RFX7: variants seen among roughly 807,000 people sequenced by gnomAD.
The protein encoded by RFX7 is regulatory factor X7, also known as DNA-binding protein RFX7.
In RFX7, 26 loss-of-function variants were observed where a neutral mutation model predicts 111.8. The ratio of observed to expected loss-of-function variants is 0.23; its 90% CI spans 0.17 to 0.32. RFX7 has a LOEUF of 0.32. Ranked by LOEUF, RFX7 falls within the 10% of genes least tolerant of loss-of-function variation. The pLI is 1.00. For synonymous variants in RFX7, 624 were observed against 624.4 expected (o/e 1.00, Z 0.01); for missense variants, 1,573 against 1,772.9 (o/e 0.89, Z 2.02).
At chr15:56,147,456 T>C (rs1567026958) in intron 3 of RFX7, among the ~76,000 whole-genome samples, 1 of 152,204 alleles carries the variant, frequency 6.6e-6, no homozygotes, top group Admixed American at 6.5e-5. Context: ...GAGTTTCCTT[T>C]TGGGGTGAGG....
intron 2 of RFX7, among the ~76,000 whole-genome samples, chr15:56,199,322 G>A (rs752569704): frequency 6.6e-6 from 1 of 151,912 alleles, no homozygotes; most frequent in African/African-American, 2.4e-5. Flanking sequence ...TTCCTTTTTT[G>A]CTGTCCTTCC....
At chr15:56,133,457 G>T (rs1169395040) in intron 5 of RFX7, among the ~76,000 whole-genome samples, 1 of 151,938 alleles carries the variant, frequency 6.6e-6, no homozygotes, top group African/African-American at 2.4e-5. Context: ...TACACAACAG[G>T]AATAACTTAA....
At chr15:56,142,726 A>T in intron 5 of RFX7, 52 bp downstream of exon 5, 1 of 1,516,096 alleles carries the variant, frequency 6.6e-7, no homozygotes, top group Non-Finnish European at 9.0e-7. Flanking sequence ...GGCCAAGTAT[A>T]GTATTTTACC....
chr15:56,094,038 G>A lies in RFX7; in HGVS notation c.3690C>T (p.Val1230=). 4 of 1,613,948 alleles carry A rather than the reference G, an allele frequency of 2.5e-6. No homozygotes were observed. The South Asian group carries it at 4.4e-5, about 18-fold the overall frequency. The change falls in exon 10 of 10, where the codon GTC becomes GTT. Residue 1230 remains valine, a synonymous_variant. Transcript: ENST00000559447. ...AQRSQSVPLT[V]MMQTAFPNAL... The stretch of plus-strand genomic sequence containing the variant: ...CGTTTGGGAAGGCTGTCTGCATCAT[G>A]ACTGTCAATGGAACTGATTGGCTTC...
chr15:56,230,794 G>A lies in RFX7; in HGVS notation c.161+12331C>T, dbSNP rs74602793. 3.0e-3 allele frequency among the ~76,000 whole-genome samples: 454 copies of A among 152,302 alleles called. 2 individuals are homozygous for A. Among genetic ancestry groups the A allele is most frequent in the African/African-American group, 0.011 (437 of 41,574 alleles). ...GTACTTGAGCTATGGCTTCAACAAT[G>A]ATTAAGATGTAATTAAATGGCTGGG... On this transcript the variant is annotated intron_variant, in intron 2 of 9. Transcript: ENST00000559447.
rs1567007329 is a variant in RFX7, at chr15:56,101,494, C to T, written c.676G>A (p.Val226Met). The T allele has an allele frequency of 6.2e-7, 1 of 1,613,702 alleles. No homozygotes were observed. Among genetic ancestry groups the T allele is most frequent in the Non-Finnish European group, 8.5e-7 (1 of 1,179,798 alleles). The change falls in exon 8 of 10, where the codon GTG (valine) becomes ATG (methionine). Residue 226 changes from valine to methionine, a missense_variant. By Grantham distance (21) the Val-to-Met change is conservative. Coordinates refer to ENST00000559447, the MANE Select transcript of RFX7 (RefSeq NM_022841.7). Reference protein sequence around the residue: ...EEVISSACRLVCEWAQKVLSQ... With the variant: ...EEVISSACRLMCEWAQKVLSQ... ...AACACTTTCTGGGCCCACTCACACA[C>T]AAGACGGCAAGCAGAAGAGATAACT...
At chr15:56,142,506 C>A (rs1482665005) in intron 5 of RFX7, among the ~76,000 whole-genome samples, 1 of 152,116 alleles carries the variant, frequency 6.6e-6, no homozygotes, top group Non-Finnish European at 1.5e-5. Flanking sequence ...TCCTTTTATT[C>A]ACCAATCCTA....
intron 2 of RFX7, among the ~76,000 whole-genome samples, chr15:56,229,936 T>G (rs1261803276): frequency 6.6e-6 from 1 of 152,098 alleles, no homozygotes; most frequent in Non-Finnish European, 1.5e-5. Context: ...TGTTTTCCTA[T>G]TTTAGTCCTA....
intron 5 of RFX7, among the ~76,000 whole-genome samples, chr15:56,110,324 G>GA (rs1392702179): frequency 9.0e-6 from 1 of 111,098 alleles, no homozygotes; most frequent in Non-Finnish European, 2.0e-5. Context: ...AGGTGGGGGG[G>GA]GGGTCAGCCC....
Position 56,142,854 on chromosome 15 carries a change from A to T in RFX7, c.325T>A (p.Phe109Ile). 1 of 1,613,580 alleles carries T rather than the reference A, an allele frequency of 6.2e-7. No homozygotes were observed. The highest frequency in any genetic ancestry group is 1.1e-5 in the South Asian group (1 of 90,998). ...SSSRAQQMHA[F>I]SWIRNTLEEH... ...TCTAGGGTATTCCGAATCCAGGAAA[A>T]GGCATGCATTTGTTGTGCCCGACTA... is the stretch of plus-strand genomic sequence containing the variant. Residue 109 changes from phenylalanine (F) to isoleucine (I), a missense_variant, in exon 5 of 10, where the codon TTT becomes ATT. Around this residue, in one of 7 missense-constraint regions of RFX7, gnomAD observed 191 missense variants for 194.2 expected, o/e 0.98. Transcript: ENST00000559447.
At chr15:56,226,596 A>ATAAAAGGAGC (rs1409731008) in intron 2 of RFX7, among the ~76,000 whole-genome samples, 3 of 152,206 alleles carry the variant, frequency 2.0e-5, no homozygotes, top group African/African-American at 7.2e-5. Context: ...GAACAAAGTG[A>ATAAAAGGAGC]TAAAAGGAGC....
chr15:56,160,320 ACTTTT>A (rs1265742276), intron 3 of RFX7, among the ~76,000 whole-genome samples: 5 of 151,410 alleles, frequency 3.3e-5, no homozygotes, highest in Admixed American at 1.3e-4. Flanking sequence ...AGTCCATGAA[ACTTTT>A]CTTTTCAGAT....
chr15:56,244,575 TCCCCA>T (rs1275058856), upstream of RFX7, among the ~76,000 whole-genome samples: 1 of 122,368 alleles, frequency 8.2e-6, no homozygotes, highest in Non-Finnish European at 1.7e-5. Flanking sequence ...CCCCTCCACC[TCCCCA>T]CCCCACCCCA....
intron 3 of RFX7, among the ~76,000 whole-genome samples, chr15:56,154,364 T>C (rs11855921): frequency 0.98 from 148,671 of 152,302 alleles, 72,665 homozygotes; most frequent in East Asian, 1. Flanking sequence ...AGGCATCATG[T>C]TACCTGACTT....
intron 2 of RFX7, among the ~76,000 whole-genome samples, chr15:56,180,596 C>T (rs944012307): frequency 6.6e-6 from 1 of 151,982 alleles, no homozygotes; most frequent in Non-Finnish European, 1.5e-5. Context: ...AACCATCTCT[C>T]ATCACCTTGG....
At chr15:56,098,764 A>G (rs1338814757) in intron 8 of RFX7, among the ~76,000 whole-genome samples, 5 of 152,264 alleles carry the variant, frequency 3.3e-5, no homozygotes, top group Non-Finnish European at 7.3e-5. Context: ...CTAATCAGAA[A>G]TAAATACATG....
intron 5 of RFX7, among the ~76,000 whole-genome samples, chr15:56,132,458 T>A (rs2031191348): frequency 6.6e-6 from 1 of 151,946 alleles, no homozygotes; most frequent in South Asian, 2.1e-4. Flanking sequence ...ACAGAAAAAT[T>A]ATTCAATAAA....
Position 56,142,876 on chromosome 15 carries a change from A to G in RFX7, c.303T>C (p.Ser101=). 6.2e-7 allele frequency: 1 copy of G among 1,613,646 alleles called. No individual in the cohort carries two copies. The highest frequency in any genetic ancestry group is 8.5e-7 in the Non-Finnish European group (1 of 1,179,736). Residue 101 remains serine, a synonymous_variant, in exon 5 of 10, where the codon AGT becomes AGC. Transcript: ENST00000559447. ...EKSDQNAMSS[S]RAQQMHAFSW... is the part of the protein sequence containing the mutation. ...AAAAGGCATGCATTTGTTGTGCCCG[A>G]CTAGATGACATGGCATTCTGATCAC... is the stretch of plus-strand genomic sequence containing the variant.
intron 3 of RFX7, among the ~76,000 whole-genome samples, chr15:56,147,487 T>G (rs1286572863): frequency 2.0e-5 from 3 of 152,228 alleles, no homozygotes; most frequent in Admixed American, 1.3e-4. Context: ...GAAACTAGAT[T>G]CAGATGGTAC....
Sources: gnomAD v4.1 joint callset for allele counts (sites outside exome capture counted in the v4.1 genomes callset) on GRCh38, gnomAD v4.1.1 for gene constraint, gnomAD v4.1.1 regional missense constraint, MANE v1.5 for transcripts, NCBI Gene and HGNC (gene_info 2026-07-23, HGNC 2026-07-21) for gene names.